The following RUNDC3B variants were observed in gnomAD, a reference collection of about 807,000 sequenced individuals.
RUNDC3B encodes the protein RUN domain containing 3B.
RUNDC3B carries 33 observed loss-of-function variants against 58.4 expected under a neutral mutation model. That is an observed-to-expected ratio of 0.56 (90% CI 0.43 to 0.75). The LOEUF (loss-of-function observed/expected upper bound fraction) is 0.75, where lower values mean the gene tolerates loss of function less well. RUNDC3B is among the 30% of genes least tolerant of loss of function. The pLI is 0.00. For missense variants in RUNDC3B, 501 were observed against 535.7 expected, an observed-to-expected ratio of 0.94 and a Z score of 0.64; for synonymous variants, 193 against 195.2, an observed-to-expected ratio of 0.99 and a Z score of 0.10.
intron 1 of RUNDC3B, among the ~76,000 whole-genome samples, chr7:87,639,551 A>AT (rs1302158606): frequency 1.3e-5 from 2 of 152,134 alleles, no homozygotes; most frequent in African/African-American, 4.8e-5. Flanking sequence ...GATTTTTACT[A>AT]TAAATATTTT....
intron 3 of RUNDC3B, among the ~76,000 whole-genome samples, chr7:87,705,189 C>T (rs971818627): frequency 6.6e-6 from 1 of 152,178 alleles, no homozygotes; most frequent in Non-Finnish European, 1.5e-5. Flanking sequence ...CTTTGGGAGG[C>T]TGAGGCAGGT....
intron 7 of RUNDC3B, among the ~76,000 whole-genome samples, chr7:87,776,211 T>G (rs568990240): frequency 1.3e-5 from 2 of 152,216 alleles, no homozygotes; most frequent in African/African-American, 4.8e-5. Flanking sequence ...TAGATATATC[T>G]CCTCGAAACT....
At chr7:87,754,477 A>G (rs1376144671) in intron 6 of RUNDC3B, among the ~76,000 whole-genome samples, 2 of 152,234 alleles carry the variant, frequency 1.3e-5, no homozygotes, top group Non-Finnish European at 2.9e-5. Flanking sequence ...AAATGTCCAC[A>G]TGAAAATGTA....
intron 2 of RUNDC3B, among the ~76,000 whole-genome samples, chr7:87,694,979 A>C (rs1462411723): frequency 1.3e-5 from 2 of 152,158 alleles, no homozygotes; most frequent in Non-Finnish European, 2.9e-5. Context: ...TAGACATTAC[A>C]TTGTCAATAC....
chr7:87,790,957 G>A (rs1168634478), intron 8 of RUNDC3B, among the ~76,000 whole-genome samples: 1 of 152,104 alleles, frequency 6.6e-6, no homozygotes, highest in Admixed American at 6.6e-5. Context: ...CCCAAACCTG[G>A]AGAAAAATAT....
In RUNDC3B at chr7:87,713,583, T is replaced by G. The variant is rs28381715; in HGVS notation, c.458+2928T>G. Among the ~76,000 whole-genome samples, 422 of 149,514 alleles carry G rather than the reference T, an allele frequency of 2.8e-3. 6 individuals are homozygous for G. The East Asian group carries it at 0.049, about 17-fold the overall frequency. ...CATGGCTTAGGGATTGGGGTATAAT[T>G]GAAAAATAGCCAGAGTTGAGAAGTT... On this transcript the variant is annotated intron_variant, in intron 4 of 10. Coordinates refer to ENST00000394654, the MANE Select transcript of RUNDC3B (RefSeq NM_001134405.2).
chr7:87,705,099 T>C (rs1829469326), intron 3 of RUNDC3B, among the ~76,000 whole-genome samples: 1 of 152,182 alleles, frequency 6.6e-6, no homozygotes. Flanking sequence ...TAGAAGCTTG[T>C]CACCATGGAC....
intron 6 of RUNDC3B, among the ~76,000 whole-genome samples, chr7:87,743,578 C>T (rs567843758): frequency 6.6e-6 from 1 of 152,202 alleles, no homozygotes; most frequent in East Asian, 1.9e-4. Context: ...TGATGTTGCG[C>T]ATTTTCATAT....
intron 7 of RUNDC3B, among the ~76,000 whole-genome samples, chr7:87,775,345 T>C (rs920449489): frequency 6.6e-6 from 1 of 152,220 alleles, no homozygotes; most frequent in Non-Finnish European, 1.5e-5. Context: ...AAAAAGCTTA[T>C]AGAATAAGGA....
intron 8 of RUNDC3B, among the ~76,000 whole-genome samples, chr7:87,804,899 A>G (rs1005626143): frequency 3.9e-5 from 6 of 152,182 alleles, no homozygotes; most frequent in African/African-American, 1.4e-4. Context: ...TCTTCATATT[A>G]ACATTAATTG....
intron 10 of RUNDC3B, among the ~76,000 whole-genome samples, chr7:87,820,107 T>G (rs1274932362): frequency 6.6e-6 from 1 of 152,188 alleles, no homozygotes; most frequent in Non-Finnish European, 1.5e-5. Flanking sequence ...GAACTGGTTT[T>G]TTGAAAACAT....
Position 87,816,156 on chromosome 7 carries a change from T to C in RUNDC3B, c.1119T>C (p.Ser373=). 6.2e-7 allele frequency: 1 copy of C among 1,607,516 alleles called. No individual in the cohort carries two copies. Among genetic ancestry groups the C allele is most frequent in the Non-Finnish European group, 8.5e-7 (1 of 1,174,984 alleles). The change falls in exon 10 of 11, where the codon AGT becomes AGC. Residue 373 remains serine (S), a synonymous_variant. Transcript: ENST00000394654. ...TGCTTTACAGGAAAAGTTATCAAAG[T>C]CTTGACCAGTTATCAGCAGAAGTTA... is the stretch of plus-strand genomic sequence containing the variant. The part of the protein sequence containing the change: ...NKQWYEKSYQ[S]LDQLSAEVSL...
At chr7:87,764,289 G>A (rs925341794) in intron 6 of RUNDC3B, among the ~76,000 whole-genome samples, 1 of 151,764 alleles carries the variant, frequency 6.6e-6, no homozygotes, top group East Asian at 1.9e-4. Flanking sequence ...GTTATACTGG[G>A]TCTAGTCTTT....
At chr7:87,683,763 C>T (rs972486222) in intron 2 of RUNDC3B, among the ~76,000 whole-genome samples, 3 of 152,138 alleles carry the variant, frequency 2.0e-5, no homozygotes, top group African/African-American at 7.2e-5. Flanking sequence ...GACAGGGAGA[C>T]ACAAAGTAAG....
chr7:87,826,355 C>T (rs1416740063), intron 10 of RUNDC3B, among the ~76,000 whole-genome samples: 2 of 151,524 alleles, frequency 1.3e-5, no homozygotes, highest in Non-Finnish European at 2.9e-5. Flanking sequence ...GTGCCTTTCA[C>T]CTTCCACCAT....
intron 3 of RUNDC3B, among the ~76,000 whole-genome samples, chr7:87,704,016 G>A (rs1419515326): frequency 2.2e-5 from 3 of 135,854 alleles, no homozygotes; most frequent in African/African-American, 8.2e-5. Flanking sequence ...CACCTCCCAG[G>A]CTCAAGCAAT....
chr7:87,656,023 A>T (rs779781214), intron 2 of RUNDC3B, among the ~76,000 whole-genome samples: 4 of 152,052 alleles, frequency 2.6e-5, no homozygotes, highest in Non-Finnish European at 5.9e-5. Context: ...CTAGACCCCA[A>T]ATCTGATGGT....
intron 8 of RUNDC3B, among the ~76,000 whole-genome samples, chr7:87,804,695 A>G: frequency 1.3e-5 from 2 of 152,294 alleles, no homozygotes; most frequent in Admixed American, 1.3e-4. Context: ...TGATAAATAG[A>G]ATCTATCACA....
At chr7:87,784,811 T>C (rs374899154) in intron 8 of RUNDC3B, among the ~76,000 whole-genome samples, 1,989 of 151,770 alleles carry the variant, frequency 0.013, 16 homozygotes, top group Non-Finnish European at 0.013. Flanking sequence ...TCCTAGGTTT[T>C]GGGGGAACCC....
Sources: gnomAD v4.1 joint callset for allele counts (sites outside exome capture counted in the v4.1 genomes callset) on GRCh38, gnomAD v4.1.1 for gene constraint, MANE v1.5 for transcripts, NCBI Gene and HGNC (gene_info 2026-07-23, HGNC 2026-07-21) for gene names.